AGAP1: variants seen among roughly 807,000 people sequenced by gnomAD.
AGAP1 encodes the protein ArfGAP with GTPase domain, ankyrin repeat and PH domain 1.
AGAP1 carries 29 observed loss-of-function variants against 105.3 expected under a neutral mutation model. The ratio of observed to expected loss-of-function variants is 0.28; its 90% CI spans 0.21 to 0.38. The LOEUF is 0.38. Ranked by LOEUF, AGAP1 falls within the 10% of genes least tolerant of loss-of-function variation. The pLI is 1.00. For missense variants in AGAP1, 998 were observed against 1,165.1 expected (o/e 0.86, Z 2.09); for synonymous variants, 509 against 485.9 (o/e 1.05, Z -0.63).
At chr2:235,766,408 C>T (rs1163597948) in intron 6 of AGAP1, among the ~76,000 whole-genome samples, 1 of 152,100 alleles carries the variant, frequency 6.6e-6, no homozygotes, top group Non-Finnish European at 1.5e-5. Context: ...GCATTGAAAG[C>T]GCGTCTAAGG....
intron 6 of AGAP1, among the ~76,000 whole-genome samples, chr2:235,763,068 GCA>G (rs1177919153): frequency 0.034 from 3,174 of 92,016 alleles, 110 homozygotes; most frequent in African/African-American, 0.093. Flanking sequence ...GCGCGCGCGC[GCA>G]CACGTGCACC....
intron 11 of AGAP1, among the ~76,000 whole-genome samples, chr2:235,912,641 A>G (rs1426104697): frequency 6.6e-6 from 1 of 152,190 alleles, no homozygotes; most frequent in East Asian, 1.9e-4. Context: ...ATTGCTTTGG[A>G]ATAACTGTCC....
intron 1 of AGAP1, among the ~76,000 whole-genome samples, chr2:235,570,892 G>A (rs576707078): frequency 3.9e-5 from 6 of 152,298 alleles, no homozygotes; most frequent in East Asian, 1.9e-4. Flanking sequence ...GTTCTCACAC[G>A]GCTATAAAGG....
intron 1 of AGAP1, among the ~76,000 whole-genome samples, chr2:235,565,966 T>G (rs1344671109): frequency 6.6e-6 from 1 of 152,234 alleles, no homozygotes; most frequent in African/African-American, 2.4e-5. Context: ...CATTTCATTA[T>G]GAAAAATTTC....
intron 1 of AGAP1, 90 bp from the exon 2 acceptor site, chr2:235,709,089 C>G (rs1950693903): frequency 7.7e-7 from 1 of 1,294,026 alleles, no homozygotes; most frequent in Non-Finnish European, 1.1e-6. Flanking sequence ...CTTCAGTGAC[C>G]TTCGGATGTG....
At chr2:235,802,977 GT>G (rs1957606942) in intron 8 of AGAP1, among the ~76,000 whole-genome samples, 1 of 135,204 alleles carries the variant, frequency 7.4e-6, no homozygotes, top group Non-Finnish European at 1.6e-5. Context: ...GATGGTTGTG[GT>G]TGTGATGGTT....
chr2:235,737,081 T>G lies in AGAP1; in HGVS notation c.311-3882T>G, dbSNP rs1952298705. On this transcript the variant is annotated intron_variant, in intron 3 of 17. Coordinates refer to ENST00000304032, the MANE Select transcript of AGAP1 (RefSeq NM_001037131.3). This position sits in a 1 kb window ranked among gnomAD's most constrained non-coding sequence, Gnocchi z 4.5. The stretch of plus-strand genomic sequence containing the variant: ...GCCCAGACTTCTCAAGGCCCAGTGG[T>G]CCTATTGAGCTGAACCTGCTCCCAT... Among the ~76,000 whole-genome samples, 1 of 152,166 alleles carries G rather than the reference T, an allele frequency of 6.6e-6. No individual in the cohort carries two copies. The highest frequency in any genetic ancestry group is 1.5e-5 in the Non-Finnish European group (1 of 68,028).
At chr2:235,896,174 G>A (rs890867208) in intron 10 of AGAP1, among the ~76,000 whole-genome samples, 67 of 152,272 alleles carry the variant, frequency 4.4e-4, no homozygotes, top group African/African-American at 1.6e-3. Flanking sequence ...TCTGCTCTAG[G>A]AACCTCATAT....
Position 235,702,092 on chromosome 2 carries a change from C to A in AGAP1, c.164-7087C>A, listed in dbSNP as rs544784888. Among the ~76,000 whole-genome samples the A allele has an allele frequency of 9.2e-5, 14 of 152,100 alleles. No individual in the cohort carries two copies. The South Asian group carries it at 2.9e-3, about 32-fold the overall frequency. On this transcript the variant is annotated intron_variant, in intron 1 of 17. Coordinates refer to ENST00000304032, the MANE Select transcript of AGAP1 (RefSeq NM_001037131.3). ...TTTTTTAGCCTTGTGTATAATTTCA[C>A]GAGTTTTGTCTGGAATGCGTATTTG...
chr2:235,833,241 A>G (rs1959666417), intron 9 of AGAP1, among the ~76,000 whole-genome samples: 1 of 152,242 alleles, frequency 6.6e-6, no homozygotes, highest in Non-Finnish European at 1.5e-5. Context: ...TGCCAGGGCC[A>G]CGACAGAGGC....
At chr2:236,006,992 T>C (rs1003862181) in intron 13 of AGAP1, among the ~76,000 whole-genome samples, 1 of 152,150 alleles carries the variant, frequency 6.6e-6, no homozygotes, top group Non-Finnish European at 1.5e-5. Flanking sequence ...ATGACCTTGT[T>C]TACTCATTGA....
intron 16 of AGAP1, among the ~76,000 whole-genome samples, chr2:236,102,170 C>T (rs1034254218): frequency 6.6e-6 from 1 of 152,182 alleles, no homozygotes; most frequent in African/African-American, 2.4e-5. Context: ...GTAATCCCAG[C>T]ACTTTGGGAG....
At chr2:235,984,625 C>G (rs2055232482) in intron 13 of AGAP1, among the ~76,000 whole-genome samples, 1 of 152,048 alleles carries the variant, frequency 6.6e-6, no homozygotes, top group Non-Finnish European at 1.5e-5. Flanking sequence ...CAAACAGGCC[C>G]TGGTGTGTAT....
chr2:235,651,537 G>T (rs368288261), intron 1 of AGAP1, among the ~76,000 whole-genome samples: 1 of 152,114 alleles, frequency 6.6e-6, no homozygotes, highest in East Asian at 1.9e-4. Flanking sequence ...AATCTGAAAC[G>T]CTCTTATTGA....
intron 13 of AGAP1, among the ~76,000 whole-genome samples, chr2:236,010,115 T>TAAA (rs34251322): frequency 7.1e-6 from 1 of 140,452 alleles, no homozygotes; most frequent in Admixed American, 7.2e-5. Context: ...CATGTGTTAG[T>TAAA]AAAAAAAAAA....
chr2:235,606,863 C>T (rs1308182264), intron 1 of AGAP1, among the ~76,000 whole-genome samples: 4 of 143,766 alleles, frequency 2.8e-5, no homozygotes, highest in Admixed American at 1.5e-4. Flanking sequence ...GCAGGGGGAT[C>T]GCTTGAGGCG....
intron 1 of AGAP1, among the ~76,000 whole-genome samples, chr2:235,649,086 T>G (rs1441001383): frequency 1.3e-5 from 2 of 152,166 alleles, no homozygotes; most frequent in Admixed American, 1.3e-4. Flanking sequence ...AAGGCTTATT[T>G]AAAACCCCAG....
chr2:235,854,389 A>G (rs1307785061), intron 9 of AGAP1, among the ~76,000 whole-genome samples: 1 of 152,128 alleles, frequency 6.6e-6, no homozygotes, highest in Non-Finnish European at 1.5e-5. Context: ...TCCCCGATAG[A>G]TGGGACCTGT....
intron 1 of AGAP1, among the ~76,000 whole-genome samples, chr2:235,514,781 G>T (rs1485442574): frequency 6.6e-6 from 1 of 152,240 alleles, no homozygotes; most frequent in African/African-American, 2.4e-5. Context: ...GTCTCATCCA[G>T]GACTGGACAC....
Sources: gnomAD v4.1 joint callset for allele counts (sites outside exome capture counted in the v4.1 genomes callset) on GRCh38, gnomAD v4.1.1 for gene constraint, Gnocchi (gnomAD v3.1) non-coding constraint, MANE v1.5 for transcripts, NCBI Gene and HGNC (gene_info 2026-07-23, HGNC 2026-07-21) for gene names.